EYA2: variants seen among roughly 807,000 people sequenced by gnomAD.
EYA2 encodes protein phosphatase EYA2.
EYA2 carries 31 observed loss-of-function variants against 69.2 expected under a neutral mutation model. The observed-to-expected ratio is 0.45, with a 90% CI of 0.34 to 0.60. The LOEUF is 0.60. Ranked by LOEUF, EYA2 falls within the 20% of genes least tolerant of loss-of-function variation. The pLI, the probability that EYA2 is intolerant of heterozygous loss-of-function variation, is 0.02. For missense variants in EYA2, 622 were observed against 701.2 expected (o/e 0.89, Z 1.28); for synonymous variants, 257 against 279.4 (o/e 0.92, Z 0.80).
intron 7 of EYA2, among the ~76,000 whole-genome samples, chr20:47,078,325 GCGCGCGCACACACACACA>G (rs1382681675): frequency 1.6e-3 from 169 of 105,380 alleles, no homozygotes; most frequent in Non-Finnish European, 2.7e-3. Context: ...ACGTGCGCGC[GCGCGCGCACACACACACA>G]CACACACACA....
chr20:46,946,559 A>G (rs754752186), intron 1 of EYA2, among the ~76,000 whole-genome samples: 3 of 152,210 alleles, frequency 2.0e-5, no homozygotes, highest in Non-Finnish European at 4.4e-5. Context: ...GAGCCTGGGT[A>G]TGAGTAAGGC....
chr20:47,049,346 C>A (rs2030204538), intron 5 of EYA2, among the ~76,000 whole-genome samples: 1 of 152,144 alleles, frequency 6.6e-6, no homozygotes, highest in Non-Finnish European at 1.5e-5. Flanking sequence ...CAGAAACATC[C>A]ATTTTCTGTT....
intron 1 of EYA2, among the ~76,000 whole-genome samples, chr20:46,984,112 T>G (rs1600607575): frequency 6.6e-6 from 1 of 152,168 alleles, no homozygotes; most frequent in Non-Finnish European, 1.5e-5. Flanking sequence ...AAAGGCAGAC[T>G]CTAAATGAAT....
At chr20:46,951,989 A>T (rs927497401) in intron 1 of EYA2, among the ~76,000 whole-genome samples, 1 of 152,208 alleles carries the variant, frequency 6.6e-6, no homozygotes, top group Non-Finnish European at 1.5e-5. Flanking sequence ...TATACCAGGC[A>T]TGACTATTGG....
In EYA2 at chr20:47,031,076, G is replaced by T. The variant is rs1984383906; in HGVS notation, c.415+14779G>T. Among the ~76,000 whole-genome samples, 3 of 152,172 alleles carry T rather than the reference G, an allele frequency of 2.0e-5. No homozygotes were observed. In the South Asian group the frequency reaches 6.2e-4, roughly 32 times the overall value. On this transcript the variant is annotated intron_variant, in intron 5 of 15. Transcript: ENST00000327619. ...CCACAATTCAGTTGCAACACGCAGT[G>T]GGTAAGGAAATGAGCAAATGACAAG...
At chr20:47,022,245 A>G (rs1386401119) in intron 5 of EYA2, among the ~76,000 whole-genome samples, 1 of 150,534 alleles carries the variant, frequency 6.6e-6, no homozygotes, top group Non-Finnish European at 1.5e-5. Context: ...CCCTTCCTTT[A>G]TGAACGTTCT....
chr20:47,164,951 A>G (rs2034151690), intron 10 of EYA2, among the ~76,000 whole-genome samples: 1 of 152,150 alleles, frequency 6.6e-6, no homozygotes, highest in Admixed American at 6.5e-5. Flanking sequence ...AACACAGTAG[A>G]CAAGCTGCCG....
intron 2 of EYA2, among the ~76,000 whole-genome samples, chr20:46,990,560 T>C (rs1167471441): frequency 6.6e-5 from 10 of 152,204 alleles, no homozygotes; most frequent in Non-Finnish European, 1.2e-4. Context: ...GCCTCTTGCT[T>C]TCAGGTCGGG....
chr20:47,035,864 G>T (rs931841562), intron 5 of EYA2, among the ~76,000 whole-genome samples: 1 of 151,968 alleles, frequency 6.6e-6, no homozygotes, highest in African/African-American at 2.4e-5. Context: ...AGAAAAAGGG[G>T]GCCATGTGTG....
At chr20:46,928,388 T>C (rs1265194404) in intron 1 of EYA2, among the ~76,000 whole-genome samples, 2 of 152,204 alleles carry the variant, frequency 1.3e-5, no homozygotes, top group Admixed American at 6.5e-5. Context: ...AGAGTAGTAA[T>C]GACATCTACT....
At chr20:47,178,842 GGGTGGATGGATGGGTAGATACGTGGGTA>G in intron 12 of EYA2, among the ~76,000 whole-genome samples, 1 of 151,160 alleles carries the variant, frequency 6.6e-6, no homozygotes, top group Non-Finnish European at 1.5e-5. Context: ...GATGGATATT[GGGTGGATGGATGGGTAGATACGTGGGTA>G]GGTGGATGGA....
intron 5 of EYA2, among the ~76,000 whole-genome samples, chr20:47,032,667 C>T (rs1174571308): frequency 2.6e-5 from 4 of 152,300 alleles, no homozygotes; most frequent in East Asian, 1.9e-4. Flanking sequence ...AGTACTGCAT[C>T]GAGAAAGCCA....
intron 9 of EYA2, among the ~76,000 whole-genome samples, chr20:47,140,825 C>G (rs571034910): frequency 6.6e-6 from 1 of 152,246 alleles, no homozygotes; most frequent in South Asian, 2.1e-4. Context: ...TCGGCAAGTT[C>G]AAGATTGGGT....
intron 9 of EYA2, among the ~76,000 whole-genome samples, chr20:47,130,829 C>T (rs1208156504): frequency 6.6e-6 from 1 of 152,134 alleles, no homozygotes; most frequent in African/African-American, 2.4e-5. Flanking sequence ...GTGGCTCATG[C>T]CTATAATCCC....
chr20:46,895,550 G>C (rs1171014880), intron 1 of EYA2, among the ~76,000 whole-genome samples: 1 of 152,236 alleles, frequency 6.6e-6, no homozygotes. Context: ...CAGGTCTGGG[G>C]CTTTGAACCG....
rs1054373376 is a variant in EYA2, at chr20:47,117,734, C to G, written c.888+20566C>G. 39 of 974,544 alleles carry G rather than the reference C, an allele frequency of 4.0e-5. 1 individual carries two copies. In the African/African-American group the frequency reaches 6.5e-4, roughly 16 times the overall value. The allele number at this position is 974,544 out of a possible 1,614,324, so 60.4% of individuals were successfully genotyped here. ...TGCTAAGGTTCAAATCAAAAGTGCC[C>G]TCTCTCGAGGACTATTAGTTAATTC... On this transcript the variant is annotated intron_variant, in intron 9 of 15. Transcript: ENST00000327619.
chr20:46,932,411 A>G (rs910128614), intron 1 of EYA2, among the ~76,000 whole-genome samples: 7 of 152,108 alleles, frequency 4.6e-5, no homozygotes, highest in Non-Finnish European at 8.8e-5. Flanking sequence ...GCTCTGTTAG[A>G]TGTAGGTGAG....
At chr20:47,054,713 T>C (rs2030519321) in intron 5 of EYA2, among the ~76,000 whole-genome samples, 1 of 152,170 alleles carries the variant, frequency 6.6e-6, no homozygotes, top group South Asian at 2.1e-4. Flanking sequence ...CCCTCAGATG[T>C]GTGACTCCGG....
At chr20:46,946,314 T>G (rs776028973) in intron 1 of EYA2, among the ~76,000 whole-genome samples, 2 of 152,240 alleles carry the variant, frequency 1.3e-5, no homozygotes, top group Non-Finnish European at 2.9e-5. Flanking sequence ...TTATTGTTCT[T>G]GTTATTTTAA....
Sources: allele counts gnomAD v4.1 joint callset (sites outside exome capture counted in the v4.1 genomes callset), GRCh38; gene constraint gnomAD v4.1.1; transcripts MANE v1.5; gene names NCBI Gene and HGNC (gene_info 2026-07-23, HGNC 2026-07-21).